HHAT: variants seen among roughly 807,000 people sequenced by gnomAD.
HHAT encodes hedgehog acyltransferase, also known as protein-cysteine N-palmitoyltransferase HHAT.
In HHAT, 47 loss-of-function variants were observed where a neutral mutation model predicts 70.8. The observed-to-expected ratio is 0.66, with a 90% CI of 0.53 to 0.85. The LOEUF (loss-of-function observed/expected upper bound fraction) is 0.85. HHAT is among the 40% of genes least tolerant of loss of function. HHAT has a pLI of 0.00. For synonymous variants in HHAT, 228 were observed against 247.6 expected (o/e 0.92, Z 0.74); for missense variants, 609 against 604.8 (o/e 1.01, Z -0.07).
At chr1:210,647,885 T>C (rs1463224341) in intron 11 of HHAT, among the ~76,000 whole-genome samples, 1 of 152,288 alleles carries the variant, frequency 6.6e-6, no homozygotes, top group Non-Finnish European at 1.5e-5. Context: ...TCAAGTCACA[T>C]AGTAGGTACA....
chr1:210,361,438 G>T (rs542822503), intron 2 of HHAT, among the ~76,000 whole-genome samples: 1 of 152,274 alleles, frequency 6.6e-6, no homozygotes, highest in African/African-American at 2.4e-5. Flanking sequence ...TTGCACTGTG[G>T]CTGGGGCTCC....
chr1:210,395,221 T>A (rs2091716302), intron 4 of HHAT, among the ~76,000 whole-genome samples: 1 of 152,086 alleles, frequency 6.6e-6, no homozygotes, highest in Non-Finnish European at 1.5e-5. Flanking sequence ...ACACTTTCAC[T>A]CCTCCCTACA....
intron 10 of HHAT, among the ~76,000 whole-genome samples, chr1:210,595,122 C>T (rs576507311): frequency 2.6e-4 from 39 of 152,104 alleles, no homozygotes; most frequent in Non-Finnish European, 3.2e-4. Context: ...CCACTCCCCC[C>T]ACCCCACAAC....
intron 6 of HHAT, among the ~76,000 whole-genome samples, chr1:210,417,857 T>C (rs1306727314): frequency 6.6e-6 from 1 of 152,132 alleles, no homozygotes; most frequent in African/African-American, 2.4e-5. Flanking sequence ...CCCTCCCCGC[T>C]TGGGTTTTTC....
chr1:210,629,445 A>G (rs1421459064), intron 11 of HHAT, among the ~76,000 whole-genome samples: 1 of 152,248 alleles, frequency 6.6e-6, no homozygotes, highest in Non-Finnish European at 1.5e-5. Context: ...TGCTAATCAG[A>G]GTTTCCAGGG....
In HHAT at chr1:210,537,338, G is replaced by C. The variant is rs2095383956; in HGVS notation, c.1043+24150G>C. Among the ~76,000 whole-genome samples the C allele has an allele frequency of 2.6e-5, 4 of 152,170 alleles. 1 individual carries two copies. In the South Asian group the frequency reaches 8.3e-4, roughly 31 times the overall value. ...CACCAGTTCAGAAACATAGTCTGTT[G>C]CAAGCAGAAAGGTGGGCTGCCCTTC... On this transcript the variant is annotated intron_variant, in intron 9 of 11. Coordinates refer to ENST00000261458, the MANE Select transcript of HHAT (RefSeq NM_018194.6).
At position 210,348,938 on chromosome 1, in the gene HHAT, C is replaced by G; in HGVS notation, c.-38C>G. ...GTTTTGTCTCTGTTTCTCAGAAACT[C>G]TCAGCGTAGGCATCGGGAACCTTCG... On this transcript the variant is annotated 5_prime_UTR_variant, in exon 2 of 12. Coordinates refer to ENST00000261458, the MANE Select transcript of HHAT (RefSeq NM_018194.6). 1 of 1,606,920 alleles carries G rather than the reference C, an allele frequency of 6.2e-7. No homozygotes were observed.
At chr1:210,462,679 C>G (rs570336020) in intron 7 of HHAT, 1 of 153,052 alleles carries the variant, frequency 6.5e-6, no homozygotes, top group African/African-American at 2.4e-5. Flanking sequence ...CAAGACGCAG[C>G]GGTTCCTGGG....
Position 210,416,672 on chromosome 1 carries a change from C to A in HHAT, c.685-1482C>A, listed in dbSNP as rs988775254. ...GTATTGAGTATGCCCTCAGTAGCTT[C>A]TATCTGTATCTATGAATAATCAAAA... On this transcript the variant is annotated intron_variant, in intron 6 of 11. Transcript: ENST00000261458. Among the ~76,000 whole-genome samples, 5 of 152,272 alleles carry A rather than the reference C, an allele frequency of 3.3e-5. No individual in the cohort carries two copies. In the East Asian group the frequency reaches 9.7e-4, roughly 29 times the overall value.
At chr1:210,577,666 G>GTTTTTTTT (rs80242108) in intron 9 of HHAT, among the ~76,000 whole-genome samples, 1 of 17,146 alleles carries the variant, frequency 5.8e-5, no homozygotes. Flanking sequence ...TTTTTTTTTC[G>GTTTTTTTT]AAATGGAGTC....
intron 6 of HHAT, among the ~76,000 whole-genome samples, chr1:210,411,154 C>T (rs147767981): frequency 3.5e-4 from 53 of 152,230 alleles, no homozygotes; most frequent in African/African-American, 1.1e-3. Flanking sequence ...TGGGTGTCAG[C>T]GATATTTTCT....
At chr1:210,398,806 T>A (rs1027222837) in intron 4 of HHAT, among the ~76,000 whole-genome samples, 1 of 152,202 alleles carries the variant, frequency 6.6e-6, no homozygotes, top group Non-Finnish European at 1.5e-5. Flanking sequence ...TCCTTATAAT[T>A]GGACTCTGCC....
At chr1:210,518,385 G>A (rs1292702240) in intron 9 of HHAT, among the ~76,000 whole-genome samples, 1 of 152,172 alleles carries the variant, frequency 6.6e-6, no homozygotes, top group Non-Finnish European at 1.5e-5. Context: ...ACGTCCTCCA[G>A]ATCAATCCAC....
chr1:210,674,136 C>T (rs1181194971), intron 11 of HHAT, 152 bp from the exon 12 acceptor site: 20 of 640,696 alleles, frequency 3.1e-5, no homozygotes, highest in Non-Finnish European at 5.3e-5. Flanking sequence ...GAATGTAGGA[C>T]TCAATTGCTG....
At chr1:210,367,313 A>G (rs1443925295) in intron 3 of HHAT, among the ~76,000 whole-genome samples, 2 of 152,150 alleles carry the variant, frequency 1.3e-5, no homozygotes, top group African/African-American at 4.8e-5. Flanking sequence ...TGAGTATTTT[A>G]TTGAATTTAA....
intron 7 of HHAT, among the ~76,000 whole-genome samples, chr1:210,422,330 C>T (rs1243792582): frequency 1.3e-5 from 2 of 152,122 alleles, no homozygotes; most frequent in African/African-American, 2.4e-5. Flanking sequence ...ATTATTAACT[C>T]TAGTCATCCT....
intron 2 of HHAT, among the ~76,000 whole-genome samples, chr1:210,360,313 T>TGTTTTG (rs539647654): frequency 2.0e-5 from 3 of 151,828 alleles, no homozygotes; most frequent in African/African-American, 4.8e-5. Context: ...TGTTTTTTTT[T>TGTTTTG]TTTTGTTTTG....
chr1:210,611,593 G>A (rs1336324565), intron 10 of HHAT, among the ~76,000 whole-genome samples: 1 of 152,064 alleles, frequency 6.6e-6, no homozygotes, highest in Non-Finnish European at 1.5e-5. Flanking sequence ...TGGTTTTCAA[G>A]AGGAACAGTT....
At chr1:210,418,041 T>A (rs906072868) in intron 6 of HHAT, 113 bp from the exon 7 acceptor site, 3 of 995,550 alleles carry the variant, frequency 3.0e-6, no homozygotes, top group Non-Finnish European at 4.7e-6. Flanking sequence ...AAACCAACCC[T>A]CTGTCAGCTG....
Sources: gnomAD v4.1 joint callset for allele counts (sites outside exome capture counted in the v4.1 genomes callset) on GRCh38, gnomAD v4.1.1 for gene constraint, MANE v1.5 for transcripts, NCBI Gene and HGNC (gene_info 2026-07-23, HGNC 2026-07-21) for gene names.